CNTN5: variants seen among roughly 807,000 people sequenced by gnomAD.
CNTN5 encodes the protein contactin-5.
In CNTN5, 77 loss-of-function variants were observed where a neutral mutation model predicts 129.1. The ratio of observed to expected loss-of-function variants is 0.60; its 90% CI spans 0.50 to 0.72. CNTN5 has a LOEUF of 0.72. CNTN5 is among the 30% of genes least tolerant of loss of function. The probability of loss-of-function intolerance (pLI) is 0.00; values close to 1 mark genes in which losing one functional copy is unlikely to be tolerated. For missense variants in CNTN5, 1,478 were observed against 1,328.8 expected (o/e 1.11, Z -1.75); for synonymous variants, 509 against 465.6 (o/e 1.09, Z -1.20).
At chr11:100,282,177 A>C (rs182546328) in intron 18 of CNTN5, among the ~76,000 whole-genome samples, 1 of 152,246 alleles carries the variant, frequency 6.6e-6, no homozygotes. Context: ...TGGCCATTGA[A>C]GAGTTAGGCA....
intron 3 of CNTN5, among the ~76,000 whole-genome samples, chr11:99,762,576 A>G (rs888155948): frequency 3.3e-5 from 5 of 151,914 alleles, no homozygotes; most frequent in Non-Finnish European, 5.9e-5. Context: ...AGATAGTTGT[A>G]GATATGCGGC....
intron 2 of CNTN5, among the ~76,000 whole-genome samples, chr11:99,338,724 A>G (rs1866348079): frequency 6.6e-6 from 1 of 151,396 alleles, no homozygotes; most frequent in African/African-American, 2.4e-5. Flanking sequence ...TTCTTTTCTT[A>G]TTGGTATTTT....
In CNTN5 at chr11:99,552,215, G is replaced by GT. The variant is rs549887501; in HGVS notation, c.-70-3919dup. On this transcript the variant is annotated intron_variant, in intron 2 of 24. Coordinates refer to ENST00000524871, the MANE Select transcript of CNTN5 (RefSeq NM_014361.4). ...AGCTACGCACCTGGTCAGTTTTTGT[G>GT]TTTTTTTTTTTGTATTATATTTTGC... Among the ~76,000 whole-genome samples, 1,548 of 138,886 alleles carry GT rather than the reference G, an allele frequency of 0.011. 55 individuals carry two copies. The East Asian group carries it at 0.13, about 11-fold the overall frequency. The allele number at this position is 138,886 out of a possible 152,430, so 91.1% of individuals were successfully genotyped here.
intron 3 of CNTN5, among the ~76,000 whole-genome samples, chr11:99,654,617 C>T (rs868323632): frequency 3.9e-5 from 6 of 151,996 alleles, no homozygotes; most frequent in Non-Finnish European, 7.4e-5. Flanking sequence ...GAATGAAGAC[C>T]TGAGTTGTTG....
At chr11:99,221,146 C>G (rs1353413951) in intron 1 of CNTN5, among the ~76,000 whole-genome samples, 1 of 151,860 alleles carries the variant, frequency 6.6e-6, no homozygotes, top group Non-Finnish European at 1.5e-5. Flanking sequence ...ATTAAACTCC[C>G]TGTCACTGTA....
At chr11:99,731,043 C>T (rs1385436749) in intron 3 of CNTN5, among the ~76,000 whole-genome samples, 1 of 152,074 alleles carries the variant, frequency 6.6e-6, no homozygotes, top group Non-Finnish European at 1.5e-5. Context: ...AACACATCCT[C>T]AAAACTTAGA....
intron 17 of CNTN5, among the ~76,000 whole-genome samples, chr11:100,260,582 A>C (rs1950174568): frequency 6.6e-6 from 1 of 152,212 alleles, no homozygotes; most frequent in Non-Finnish European, 1.5e-5. Context: ...CAGCACATCA[A>C]AAAGCTTATC....
At chr11:100,208,767 T>C (rs1948964315) in intron 15 of CNTN5, among the ~76,000 whole-genome samples, 2 of 152,222 alleles carry the variant, frequency 1.3e-5, no homozygotes, top group Admixed American at 6.5e-5. Flanking sequence ...AGTTAGCTTT[T>C]GCTGCAAAAC....
chr11:99,375,455 G>A (rs1940122162), intron 2 of CNTN5, among the ~76,000 whole-genome samples: 1 of 151,954 alleles, frequency 6.6e-6, no homozygotes, highest in African/African-American at 2.4e-5. Context: ...AGAGAGTATA[G>A]TCAGGAGCTA....
At chr11:99,133,587 T>G (rs1859056680) in intron 1 of CNTN5, among the ~76,000 whole-genome samples, 1 of 80,796 alleles carries the variant, frequency 1.2e-5, no homozygotes, top group African/African-American at 5.2e-5. Flanking sequence ...TATTAAAATG[T>G]GGGCAAAGGA....
At chr11:99,810,298 A>T (rs1946392155) in intron 3 of CNTN5, among the ~76,000 whole-genome samples, 2 of 152,192 alleles carry the variant, frequency 1.3e-5, no homozygotes, top group South Asian at 2.1e-4. Flanking sequence ...CCTGAGTATC[A>T]GTTGTAGAAA....
intron 3 of CNTN5, among the ~76,000 whole-genome samples, chr11:99,818,120 TA>T (rs1946653634): frequency 6.6e-6 from 1 of 152,222 alleles, no homozygotes; most frequent in Admixed American, 6.5e-5. Flanking sequence ...CATTCTAAAA[TA>T]TCTCTGTAAG....
At chr11:99,677,990 C>T (rs562368168) in intron 3 of CNTN5, among the ~76,000 whole-genome samples, 1 of 152,074 alleles carries the variant, frequency 6.6e-6, no homozygotes, top group Non-Finnish European at 1.5e-5. Context: ...TATTATGCTT[C>T]TACTGAAGCA....
chr11:99,316,182 A>G (rs1000575894), intron 1 of CNTN5, among the ~76,000 whole-genome samples: 23 of 150,572 alleles, frequency 1.5e-4, no homozygotes, highest in Non-Finnish European at 2.8e-4. Flanking sequence ...GTAGATTCTG[A>G]TAAAATAGTT....
intron 3 of CNTN5, among the ~76,000 whole-genome samples, chr11:99,817,596 GTT>G (rs372057505): frequency 0.067 from 6,626 of 99,586 alleles, 164 homozygotes; most frequent in African/African-American, 0.14. Context: ...GTCTGGGATA[GTT>G]TTTTTTTTTT....
At chr11:99,668,044 C>T (rs1218106524) in intron 3 of CNTN5, among the ~76,000 whole-genome samples, 1 of 152,114 alleles carries the variant, frequency 6.6e-6, no homozygotes, top group Non-Finnish European at 1.5e-5. Context: ...ATGATAGCAA[C>T]AACAGATCCT....
chr11:100,277,536 C>T (rs1406431887), intron 18 of CNTN5, among the ~76,000 whole-genome samples: 1 of 152,038 alleles, frequency 6.6e-6, no homozygotes, highest in South Asian at 2.1e-4. Context: ...GAAATTACAT[C>T]TTATTGAAGT....
rs1949284012 is a variant in CNTN5 at position 99,899,075 on chromosome 11, TG to T, written c.578-16978del. Among the ~76,000 whole-genome samples, 8 of 152,152 alleles carry T rather than the reference TG, an allele frequency of 5.3e-5. 1 individual carries two copies. The South Asian group carries it at 1.7e-3, about 32-fold the overall frequency. On this transcript the variant is annotated intron_variant, in intron 6 of 24. Coordinates refer to ENST00000524871, the MANE Select transcript of CNTN5 (RefSeq NM_014361.4). ...CTACTGACTTTTGTATGTTGATTTT[TG>T]TATCCTGAGACTTTACTGAAGTCAC...
intron 3 of CNTN5, among the ~76,000 whole-genome samples, chr11:99,764,118 T>A (rs76901265): frequency 0.036 from 5,411 of 152,240 alleles, 141 homozygotes; most frequent in South Asian, 0.099. Flanking sequence ...TGATAGTATA[T>A]ATGATTTTAA....
Sources: gnomAD v4.1 joint callset for allele counts (sites outside exome capture counted in the v4.1 genomes callset) on GRCh38, gnomAD v4.1.1 for gene constraint, MANE v1.5 for transcripts, NCBI Gene and HGNC (gene_info 2026-07-23, HGNC 2026-07-21) for gene names.